The following TNR variants were observed in gnomAD, a reference collection of about 807,000 sequenced individuals.
TNR encodes the protein tenascin R.
In TNR, 45 loss-of-function variants were observed where a neutral mutation model predicts 150.4. The observed-to-expected ratio is 0.30, with a 90% CI of 0.24 to 0.38. The LOEUF (loss-of-function observed/expected upper bound fraction) is 0.38, where lower values mean the gene tolerates loss of function less well. Among genes scored for constraint, TNR ranks in the 10% least tolerant of loss-of-function variants. The probability of loss-of-function intolerance (pLI) is 1.00; values close to 1 mark genes in which losing one functional copy is unlikely to be tolerated. For missense variants in TNR, 1,544 were observed against 1,759.1 expected (o/e 0.88, Z 2.19); for synonymous variants, 687 against 678.4 (o/e 1.01, Z -0.20).
intron 1 of TNR, among the ~76,000 whole-genome samples, chr1:175,684,484 G>A (rs116922273): frequency 4.6e-5 from 7 of 152,240 alleles, no homozygotes; most frequent in Middle Eastern, 3.4e-3. Context: ...CCTCTAGCTC[G>A]CTGTAATTGA....
chr1:175,537,740 G>A (rs778054994), intron 1 of TNR, among the ~76,000 whole-genome samples: 2 of 152,210 alleles, frequency 1.3e-5, no homozygotes, highest in Non-Finnish European at 2.9e-5. Context: ...GTCAACCTGA[G>A]AGCAGAGAAC....
intron 1 of TNR, among the ~76,000 whole-genome samples, chr1:175,736,649 C>T (rs1667781013): frequency 6.6e-6 from 1 of 152,070 alleles, no homozygotes; most frequent in Non-Finnish European, 1.5e-5. Context: ...CTTCTTGATG[C>T]CTTTGCCCCA....
At chr1:175,493,108 C>A (rs1299287862) in intron 2 of TNR, among the ~76,000 whole-genome samples, 1 of 152,074 alleles carries the variant, frequency 6.6e-6, no homozygotes, top group Non-Finnish European at 1.5e-5. Flanking sequence ...TTTCCTCATG[C>A]ACCATAGCTG....
intron 1 of TNR, among the ~76,000 whole-genome samples, chr1:175,618,904 A>C (rs1192550795): frequency 1.4e-5 from 2 of 144,028 alleles, no homozygotes; most frequent in African/African-American, 5.1e-5. Flanking sequence ...TCATTTGAGA[A>C]GACTGAGGAT....
rs377470397 is a variant in TNR at position 175,435,808 on chromosome 1, T to C, written c.-63-29031A>G. On this transcript the variant is annotated intron_variant, in intron 2 of 22. Transcript: ENST00000367674. Reference sequence around the variant, plus strand: ...TCCTTTCCATGTTTAGTGCTTCCTTTAGGAGCTCTTTTAGGGCAGTTCTGG... The same window carrying C: ...TCCTTTCCATGTTTAGTGCTTCCTTCAGGAGCTCTTTTAGGGCAGTTCTGG... Among the ~76,000 whole-genome samples, 5 of 152,336 alleles carry C rather than the reference T, an allele frequency of 3.3e-5. No homozygotes were observed. The East Asian group carries it at 5.8e-4, about 18-fold the overall frequency.
intron 3 of TNR, 150 bp downstream of exon 3, chr1:175,406,066 T>C: frequency 9.4e-7 from 1 of 1,059,316 alleles, no homozygotes; most frequent in Non-Finnish European, 1.3e-6. Context: ...ACTAGGACAC[T>C]TTTTTCCTTT....
At chr1:175,731,516 G>T (rs1026068318) in intron 1 of TNR, among the ~76,000 whole-genome samples, 8 of 152,124 alleles carry the variant, frequency 5.3e-5, no homozygotes, top group Non-Finnish European at 1.0e-4. Flanking sequence ...CCTATTAAGT[G>T]CCCGGAGTCC....
At chr1:175,678,266 C>T (rs1665923793) in intron 1 of TNR, among the ~76,000 whole-genome samples, 1 of 152,156 alleles carries the variant, frequency 6.6e-6, no homozygotes, top group Non-Finnish European at 1.5e-5. Context: ...TTTGTGCTCC[C>T]CAGACATAGG....
chr1:175,635,171 C>A (rs926161758), intron 1 of TNR, among the ~76,000 whole-genome samples: 1 of 152,198 alleles, frequency 6.6e-6, no homozygotes, highest in Non-Finnish European at 1.5e-5. Flanking sequence ...AAGGAGCTGG[C>A]CCAACAGGTC....
chr1:175,714,869 C>T (rs181314934), intron 1 of TNR, among the ~76,000 whole-genome samples: 4 of 152,310 alleles, frequency 2.6e-5, no homozygotes, highest in East Asian at 1.9e-4. Flanking sequence ...CTCACCTTCC[C>T]GCTATGGCTT....
intron 18 of TNR, among the ~76,000 whole-genome samples, chr1:175,344,513 C>T (rs1650681758): frequency 1.3e-5 from 2 of 152,290 alleles, no homozygotes; most frequent in East Asian, 3.9e-4. Flanking sequence ...TATTGCTTGG[C>T]AAGATTCACT....
chr1:175,337,477 A>T (rs369241265), intron 19 of TNR, 51 bp downstream of exon 19: 1 of 1,609,000 alleles, frequency 6.2e-7, no homozygotes, highest in Admixed American at 1.7e-5. Context: ...AGCTAGGTAG[A>T]CTAGAACACT....
At chr1:175,406,174 C>T (rs772846047) in intron 3 of TNR, 42 bp downstream of exon 3, 10 of 1,590,920 alleles carry the variant, frequency 6.3e-6, no homozygotes, top group Admixed American at 1.7e-5. Context: ...TCAGCCCTCT[C>T]CTTCCCCTCC....
intron 21 of TNR, among the ~76,000 whole-genome samples, chr1:175,326,721 G>A (rs1649416338): frequency 1.3e-5 from 2 of 152,122 alleles, no homozygotes; most frequent in African/African-American, 4.8e-5. Context: ...AGGCTGGAGT[G>A]CAATGGCACA....
chr1:175,589,703 T>C (rs1164065427), intron 1 of TNR, among the ~76,000 whole-genome samples: 1 of 152,128 alleles, frequency 6.6e-6, no homozygotes, highest in East Asian at 1.9e-4. Flanking sequence ...TGCAGGGACA[T>C]GGATGAAGCT....
chr1:175,679,340 T>C (rs1665961588), intron 1 of TNR, among the ~76,000 whole-genome samples: 1 of 152,196 alleles, frequency 6.6e-6, no homozygotes, highest in Admixed American at 6.5e-5. Context: ...GATGTCCAAA[T>C]TTCCAGCCAG....
intron 1 of TNR, among the ~76,000 whole-genome samples, chr1:175,666,420 C>G (rs1339379020): frequency 6.6e-6 from 1 of 152,216 alleles, no homozygotes; most frequent in Non-Finnish European, 1.5e-5. Context: ...CACCAGAGCT[C>G]CAGGCCAGCC....
intron 2 of TNR, among the ~76,000 whole-genome samples, chr1:175,509,678 T>C (rs1659090757): frequency 6.6e-6 from 1 of 152,214 alleles, no homozygotes; most frequent in Admixed American, 6.5e-5. Flanking sequence ...AATAATAACT[T>C]GGCCTAATAG....
At chr1:175,650,847 T>A in intron 1 of TNR, among the ~76,000 whole-genome samples, 3 of 57,588 alleles carry the variant, frequency 5.2e-5, no homozygotes, top group Non-Finnish European at 3.4e-5. Flanking sequence ...CCCACCTCAT[T>A]ACTACCCATC....
Sources: gnomAD v4.1 joint callset for allele counts (sites outside exome capture counted in the v4.1 genomes callset) on GRCh38, gnomAD v4.1.1 for gene constraint, MANE v1.5 for transcripts, NCBI Gene and HGNC (gene_info 2026-07-23, HGNC 2026-07-21) for gene names.